Variants in DRC3 observed in about 807,000 individuals in gnomAD.
The protein encoded by DRC3 is leucine rich repeat containing 48.
Under a neutral mutation model 57.6 loss-of-function variants are expected in DRC3, and 45 were observed. The ratio of observed to expected loss-of-function variants is 0.78; its 90% CI spans 0.62 to 1.00. The LOEUF is 1.00. Ranked by LOEUF, DRC3 falls within the 50% of genes least tolerant of loss-of-function variation. The probability of loss-of-function intolerance (pLI) is 0.00; values close to 1 mark genes in which losing one functional copy is unlikely to be tolerated. For missense variants in DRC3, 655 were observed against 675.2 expected (o/e 0.97, Z 0.33); for synonymous variants, 257 against 272.3 (o/e 0.94, Z 0.55).
intron 9 of DRC3, among the ~76,000 whole-genome samples, chr17:17,998,208 C>A (rs2043543344): frequency 6.6e-6 from 1 of 152,098 alleles, no homozygotes; most frequent in African/African-American, 2.4e-5. Flanking sequence ...TTATCTCAGG[C>A]TGGGGAGTTT....
At chr17:18,001,980 C>A (rs1341705736) in intron 9 of DRC3, among the ~76,000 whole-genome samples, 1 of 151,836 alleles carries the variant, frequency 6.6e-6, no homozygotes, top group African/African-American at 2.4e-5. Context: ...CCAGCCTTGC[C>A]AACATGGTGA....
chr17:17,984,879 A>G (rs2042887377), intron 4 of DRC3, among the ~76,000 whole-genome samples: 2 of 152,168 alleles, frequency 1.3e-5, no homozygotes, highest in South Asian at 2.1e-4. Flanking sequence ...TTGCAAGCCC[A>G]TAGCAAACCC....
intron 3 of DRC3, among the ~76,000 whole-genome samples, chr17:17,982,580 CT>C (rs200264642): frequency 0.016 from 2,152 of 133,616 alleles, 47 homozygotes; most frequent in African/African-American, 0.051. Flanking sequence ...TGAGCATATT[CT>C]TTTTTTTTTT....
chr17:18,007,720 G>T (rs2044032473), intron 12 of DRC3: 2 of 1,237,374 alleles, frequency 1.6e-6, no homozygotes, highest in Non-Finnish European at 2.0e-6. Context: ...CTATGTCTCT[G>T]GAAGGAGTGT....
Position 17,991,457 on chromosome 17 carries a change from AT to A in DRC3, c.445-1296del, listed in dbSNP as rs1056478568. 3.7e-3 allele frequency among the ~76,000 whole-genome samples: 527 copies of A among 144,004 alleles called. 1 individual carries two copies. Among genetic ancestry groups the A allele is most frequent in the Non-Finnish European group, 3.1e-3 (205 of 65,130 alleles). 94.5% of individuals were successfully genotyped at this position (144,004 alleles called of 152,430 possible). A position where few individuals can be genotyped will look rare whatever the true frequency, so the allele number is the denominator to read the frequency against. On this transcript the variant is annotated intron_variant, in intron 5 of 13. Coordinates refer to ENST00000399187, the MANE Select transcript of DRC3 (RefSeq NM_031294.4). The stretch of plus-strand genomic sequence containing the variant: ...AGGCGCCTGCCACCATGCCCGGCTA[AT>A]TTTTTTTTTTTGTATTTTTAGTAGA...
Position 17,983,949 on chromosome 17 carries a change from G to A in DRC3, c.277+5G>A, listed in dbSNP as rs200857880. 575 of 1,585,226 alleles carry A rather than the reference G, an allele frequency of 3.6e-4. No individual in the cohort carries two copies. The highest frequency in any genetic ancestry group is 1.0e-3 in the Admixed American group (60 of 59,556). ...TCGCACACCTGGTCTGGCTGGGTAA[G>A]GCCCTTTCCTCTGTGTGTCCACCCT... On this transcript the variant is annotated splice_donor_5th_base_variant and intron_variant, in intron 4 of 13. Coordinates refer to ENST00000399187, the MANE Select transcript of DRC3 (RefSeq NM_031294.4).
Position 18,016,778 on chromosome 17 carries a change from T to G in DRC3, c.*107T>G. The G allele has an allele frequency of 1.7e-6, 1 of 602,452 alleles. No homozygotes were observed. The allele number at this position is 602,452 out of a possible 1,614,324, so 37.3% of individuals were successfully genotyped here. A position where few individuals can be genotyped will look rare whatever the true frequency, so the allele number is the denominator to read the frequency against. On this transcript the variant is annotated 3_prime_UTR_variant, in exon 14 of 14. Coordinates refer to ENST00000399187, the MANE Select transcript of DRC3 (RefSeq NM_031294.4). ...CCTCTAGAGAGTTGCTGGGCATCTC[T>G]CAACCGCGATCCCCAACACCATTCT...
At chr17:17,993,587 A>G (rs2043325392) in intron 6 of DRC3, 1 of 152,658 alleles carries the variant, frequency 6.6e-6, no homozygotes. Context: ...GTGTCATCCC[A>G]GGAGCAATAT....
intron 13 of DRC3, 111 bp from the exon 14 acceptor site, chr17:18,016,447 G>C: frequency 1.2e-6 from 1 of 838,442 alleles, no homozygotes; most frequent in East Asian, 2.6e-5. Context: ...TGAAGCAAAT[G>C]AGGTTTGCAG....
At position 18,008,430 on chromosome 17, in the gene DRC3, G is replaced by A. The variant is rs1451774926; in HGVS notation, c.1326+1283G>A. 6.6e-6 allele frequency among the ~76,000 whole-genome samples: 1 copy of A among 152,198 alleles called. No homozygotes were observed. Among genetic ancestry groups the A allele is most frequent in the African/African-American group, 2.4e-5 (1 of 41,456 alleles). On this transcript the variant is annotated intron_variant, in intron 12 of 13. Transcript: ENST00000399187. The surrounding 1 kb of genome is among the most constrained non-coding windows in gnomAD (Gnocchi z 4.3). ...CATGTAAGCTCAGGAGGGAGGACGG[G>A]GATGGCCTTTTCACCACCATGTACC...
rs759026512 is a variant in DRC3, at chr17:18,016,161, G to A, written c.1424G>A (p.Arg475Lys). Residue 475 changes from arginine (R) to lysine (K), a missense_variant, in exon 13 of 14, where the codon AGA (arginine) becomes AAA (lysine). By Grantham distance (26) the Arg-to-Lys change is conservative. Coordinates refer to ENST00000399187, the MANE Select transcript of DRC3 (RefSeq NM_031294.4). The stretch of plus-strand genomic sequence containing the variant: ...AATCGAGAAGATGAGCTGGTGACCA[G>A]AATCAACTCTTGGTGTACACGTTTA... ...IDNREDELVT[R>K]INSWCTRLID... is the part of the protein sequence containing the mutation. The A allele has an allele frequency of 8.7e-6, 14 of 1,613,980 alleles. No homozygotes were observed. The Middle Eastern group carries it at 1.6e-3, about 190-fold the overall frequency.
chr17:17,978,162 G>C (rs991634927), intron 3 of DRC3, among the ~76,000 whole-genome samples: 1 of 152,138 alleles, frequency 6.6e-6, no homozygotes, highest in Non-Finnish European at 1.5e-5. Context: ...GAATGAGAGC[G>C]GGCACTGGGA....
Position 18,007,034 on chromosome 17 carries a change from T to G in DRC3, c.1213T>G (p.Cys405Gly). 1.2e-6 allele frequency: 2 copies of G among 1,602,812 alleles called. No homozygotes were observed. Among genetic ancestry groups the G allele is most frequent in the Non-Finnish European group, 1.7e-6 (2 of 1,173,630 alleles). Residue 405 changes from cysteine (C) to glycine (G), a missense_variant, in exon 12 of 14, where the codon TGC becomes GGC. By Grantham distance (159) the Cys-to-Gly change is radical. Coordinates refer to ENST00000399187, the MANE Select transcript of DRC3 (RefSeq NM_031294.4). ...AACTCGGGGCTGCACGATGGCTCAG[T>G]GCCGGGACCTGGAGAATCACCACCA... is the stretch of plus-strand genomic sequence containing the variant. ...IENVQSLMAQ[C>G]RDLENHHHEK...
In DRC3 at chr17:17,997,691, C is replaced by A. The variant is rs566014385; in HGVS notation, c.999+57C>A. On this transcript the variant is annotated intron_variant, in intron 9 of 13. Transcript: ENST00000399187. Reference sequence around the variant, plus strand: ...TCTCCTGCTGTAGGCCCTCCCTGCTCTTGCCACTCCCACTGTAGGGGGACT... The same window carrying A: ...TCTCCTGCTGTAGGCCCTCCCTGCTATTGCCACTCCCACTGTAGGGGGACT... The A allele has an allele frequency of 7.5e-6, 11 of 1,458,726 alleles. No homozygotes were observed. In the East Asian group the frequency reaches 2.7e-4, roughly 36 times the overall value. The allele number at this position is 1,458,726 out of a possible 1,614,324, so 90.4% of individuals were successfully genotyped here.
In DRC3 at chr17:18,004,407, G is replaced by A. The variant is rs757088855; in HGVS notation, c.1044G>A (p.Glu348=). 4 of 1,608,464 alleles carry A rather than the reference G, an allele frequency of 2.5e-6. No individual in the cohort carries two copies. Among genetic ancestry groups the A allele is most frequent in the South Asian group, 1.1e-5 (1 of 89,644 alleles). Residue 348 remains glutamate (E), a synonymous_variant, in exon 10 of 14, where the codon GAG becomes GAA. Coordinates refer to ENST00000399187, the MANE Select transcript of DRC3 (RefSeq NM_031294.4). ...AGGAGTTGGAACTGCCCAACATTGA[G>A]AAGATGATCCTAGAATGCAGTGCTG... The part of the protein sequence containing the change: ...IREELELPNI[E]KMILECSADI...
At chr17:17,975,993 G>C (rs2145178324) in intron 2 of DRC3, among the ~76,000 whole-genome samples, 1 of 152,272 alleles carries the variant, frequency 6.6e-6, no homozygotes, top group South Asian at 2.1e-4. Flanking sequence ...TAACAGGATT[G>C]TATGGCCCAA....
At position 17,997,343 on chromosome 17, in the gene DRC3, G is replaced by A. The variant is rs554734619; in HGVS notation, c.825-117G>A. The A allele has an allele frequency of 6.8e-6, 6 of 885,600 alleles. No homozygotes were observed. The South Asian group carries it at 1.0e-4, about 15-fold the overall frequency. The allele number at this position is 885,600 out of a possible 1,614,324, so 54.9% of individuals were successfully genotyped here. A position where few individuals can be genotyped will look rare whatever the true frequency, so the allele number is the denominator to read the frequency against. On this transcript the variant is annotated intron_variant, in intron 8 of 13. Coordinates refer to ENST00000399187, the MANE Select transcript of DRC3 (RefSeq NM_031294.4). ...GAACCAAATGAGACCAGGAGTTTGA[G>A]TCTCACACACTGTTGAGCGCACAGT...
intron 11 of DRC3, chr17:18,006,462 T>A: frequency 1.7e-6 from 1 of 587,740 alleles, no homozygotes; most frequent in Non-Finnish European, 3.0e-6. Flanking sequence ...ATTGTTCTCA[T>A]ATGAGTGATG....
intron 12 of DRC3, among the ~76,000 whole-genome samples, chr17:18,009,586 G>C (rs2044099373): frequency 6.6e-6 from 1 of 152,150 alleles, no homozygotes; most frequent in Non-Finnish European, 1.5e-5. Context: ...CAGAGATGAA[G>C]GTAACCTGCC....
Sources: allele counts gnomAD v4.1 joint callset (sites outside exome capture counted in the v4.1 genomes callset), GRCh38; gene constraint gnomAD v4.1.1; non-coding constraint Gnocchi (gnomAD v3.1); transcripts MANE v1.5; gene names NCBI Gene and HGNC (gene_info 2026-07-23, HGNC 2026-07-21).